The following CACNA1A variants were observed in gnomAD, a reference collection of about 807,000 sequenced individuals.
CACNA1A encodes voltage-dependent P/Q-type calcium channel subunit alpha-1A.
In CACNA1A, 57 loss-of-function variants were observed where a neutral mutation model predicts 262.4. The ratio of observed to expected loss-of-function variants is 0.22; its 90% CI spans 0.18 to 0.27. The LOEUF is 0.27. Among genes scored for constraint, CACNA1A ranks in the 10% least tolerant of loss-of-function variants. CACNA1A has a pLI of 1.00. For missense variants in CACNA1A, 2,526 were observed against 3,562.8 expected (o/e 0.71, Z 7.41); for synonymous variants, 1,431 against 1,419.3 (o/e 1.01, Z -0.18).
intron 3 of CACNA1A, among the ~76,000 whole-genome samples, chr19:13,385,945 T>C (rs2059605050): frequency 6.6e-6 from 1 of 151,766 alleles, no homozygotes; most frequent in Non-Finnish European, 1.5e-5. Context: ...TTGTTTGAGC[T>C]CAGGAGTTCA....
At chr19:13,409,298 T>A (rs116592915) in intron 3 of CACNA1A, among the ~76,000 whole-genome samples, 5 of 151,424 alleles carry the variant, frequency 3.3e-5, no homozygotes, top group Non-Finnish European at 5.9e-5. Context: ...GAGGTCATGG[T>A]AGGAGATATG....
At chr19:13,428,238 T>C (rs1001992414) in intron 3 of CACNA1A, among the ~76,000 whole-genome samples, 18 of 152,232 alleles carry the variant, frequency 1.2e-4, no homozygotes, top group Admixed American at 2.6e-4. Context: ...AGAGCTCTTA[T>C]CTTATAGGCT....
Position 13,308,152 on chromosome 19 carries a change from G to A in CACNA1A, c.1881C>T (p.Phe627=), listed in dbSNP as rs371268760. The A allele has an allele frequency of 5.9e-5, 96 of 1,613,886 alleles. No homozygotes were observed. The highest frequency in any genetic ancestry group is 7.2e-5 in the Non-Finnish European group (85 of 1,179,904). ...LFLLFLFIVV[F]ALLGMQLFGG... is the part of the protein sequence containing the mutation. ...CGAAGAGTTGCATTCCCAAAAGGGCGAAGACGACAATGAACAGGAAAAGGA... is the reference window on the plus strand; with the variant it reads ...CGAAGAGTTGCATTCCCAAAAGGGCAAAGACGACAATGAACAGGAAAAGGA... Residue 627 remains phenylalanine, a synonymous_variant, in exon 14 of 47, where the codon TTC becomes TTT. Transcript: ENST00000360228. This position sits in a 1 kb window ranked among gnomAD's most constrained non-coding sequence, Gnocchi z 4.2.
At chr19:13,434,729 G>GT (rs1387963000) in intron 3 of CACNA1A, among the ~76,000 whole-genome samples, 1 of 152,074 alleles carries the variant, frequency 6.6e-6, no homozygotes, top group Non-Finnish European at 1.5e-5. Context: ...CTGCAGAATC[G>GT]TGAGTCAATT....
rs369084322 is a variant in CACNA1A, at chr19:13,299,199, G to A, written c.2434C>T (p.Arg812Trp). The change falls in exon 19 of 47, where the codon CGG becomes TGG. Residue 812 changes from arginine (R) to tryptophan (W), a missense_variant. Arg to Trp is a moderately radical substitution (Grantham distance 101). Coordinates refer to ENST00000360228, the MANE Select transcript of CACNA1A (RefSeq NM_001127222.2). ...RWKAAYTRHL[R>W]PDMKTHLDRP... ...TCCAAGTGCGTCTTCATGTCTGGCC[G>A]CAGGTGCCGCGTGTAGGCAGCCTTC... is the stretch of plus-strand genomic sequence containing the variant. 5 of 1,612,308 alleles carry A rather than the reference G, an allele frequency of 3.1e-6. No homozygotes were observed. In the Admixed American group the frequency reaches 6.7e-5, roughly 21 times the overall value.
chr19:13,453,903 A>G (rs1394075157), intron 2 of CACNA1A, among the ~76,000 whole-genome samples: 3 of 152,058 alleles, frequency 2.0e-5, no homozygotes, highest in African/African-American at 7.2e-5. Context: ...TTAAGTGAAA[A>G]TGCAAAGATC....
chr19:13,261,749 A>T, intron 25 of CACNA1A, 139 bp from the exon 26 acceptor site: 7 of 753,306 alleles, frequency 9.3e-6, no homozygotes, highest in Non-Finnish European at 1.3e-5. Flanking sequence ...CACTAGGGTA[A>T]GGTCCCCCCA....
At chr19:13,396,369 C>G (rs1354912718) in intron 3 of CACNA1A, among the ~76,000 whole-genome samples, 23 of 152,226 alleles carry the variant, frequency 1.5e-4, no homozygotes, top group Admixed American at 1.5e-3. Context: ...ATCCACAGCT[C>G]TCTGTCTCCC....
At chr19:13,296,810 A>C (rs1342258202) in intron 19 of CACNA1A, among the ~76,000 whole-genome samples, 1 of 152,110 alleles carries the variant, frequency 6.6e-6, no homozygotes, top group Non-Finnish European at 1.5e-5. Context: ...CCCAGGCTGA[A>C]GTGCAGTGGT....
chr19:13,500,966 C>CT (rs1394189866), intron 1 of CACNA1A, among the ~76,000 whole-genome samples: 1 of 151,994 alleles, frequency 6.6e-6, no homozygotes, highest in African/African-American at 2.4e-5. Context: ...TTTATATGAC[C>CT]TTCGGCAAAA....
At chr19:13,231,574 C>G in intron 35 of CACNA1A, 136 bp downstream of exon 35, 4 of 886,760 alleles carry the variant, frequency 4.5e-6, no homozygotes, top group Non-Finnish European at 6.8e-6. Context: ...TCAGGGTCAC[C>G]TGATCCCAGG....
intron 3 of CACNA1A, among the ~76,000 whole-genome samples, chr19:13,386,466 G>A (rs565153129): frequency 1.4e-4 from 22 of 152,130 alleles, no homozygotes; most frequent in East Asian, 7.8e-4. Context: ...GTCTGTCTAC[G>A]TGGATGGCTG....
chr19:13,319,496 C>T (rs2058202644), intron 10 of CACNA1A, among the ~76,000 whole-genome samples: 1 of 152,158 alleles, frequency 6.6e-6, no homozygotes. Context: ...TTCACCCATA[C>T]ATCCATCCAG....
intron 3 of CACNA1A, among the ~76,000 whole-genome samples, chr19:13,397,591 T>C (rs1402577475): frequency 2.0e-5 from 3 of 152,072 alleles, no homozygotes; most frequent in Non-Finnish European, 2.9e-5. Context: ...GCTCTGCAAG[T>C]GGGCGCCGCC....
At chr19:13,274,055 T>G (rs2057088815) in intron 24 of CACNA1A, 1 of 151,528 alleles carries the variant, frequency 6.6e-6, no homozygotes, top group Non-Finnish European at 1.5e-5. Flanking sequence ...GCTCTAGTAG[T>G]CAAATAGACA....
At chr19:13,315,534 T>A (rs1214434076) in intron 11 of CACNA1A, 5 of 152,114 alleles carry the variant, frequency 3.3e-5, no homozygotes, top group Non-Finnish European at 7.4e-5. Flanking sequence ...GTAGAGAGAA[T>A]ATAGGAGATT....
intron 3 of CACNA1A, among the ~76,000 whole-genome samples, chr19:13,383,708 C>A (rs2059559754): frequency 6.6e-6 from 1 of 152,228 alleles, no homozygotes. Context: ...TCTTCGAATT[C>A]TTCAGGTTGA....
intron 3 of CACNA1A, among the ~76,000 whole-genome samples, chr19:13,413,698 G>A (rs1183009047): frequency 1.4e-5 from 2 of 144,904 alleles, no homozygotes; most frequent in African/African-American, 5.2e-5. Flanking sequence ...GGCCAACATA[G>A]CGAAACCCCG....
chr19:13,277,009 G>A, intron 23 of CACNA1A, 60 bp downstream of exon 23: 1 of 1,110,370 alleles, frequency 9.0e-7, no homozygotes, highest in Non-Finnish European at 1.4e-6. Flanking sequence ...ACTGTGCCCA[G>A]CCCTGCACTT....
Sources: gnomAD v4.1 joint callset for allele counts (sites outside exome capture counted in the v4.1 genomes callset) on GRCh38, gnomAD v4.1.1 for gene constraint, Gnocchi (gnomAD v3.1) non-coding constraint, MANE v1.5 for transcripts, NCBI Gene and HGNC (gene_info 2026-07-23, HGNC 2026-07-21) for gene names.